Variants in WIPF2 observed in about 807,000 individuals in gnomAD.
WIPF2 encodes WAS/WASL-interacting protein family member 2.
A neutral mutation model predicts 38.8 loss-of-function variants in WIPF2; 23 were observed. That is an observed-to-expected ratio of 0.59 (90% CI 0.43 to 0.84). The LOEUF (loss-of-function observed/expected upper bound fraction) is 0.84. Among genes scored for constraint, WIPF2 ranks in the 40% least tolerant of loss-of-function variants. The pLI is 0.00. For synonymous variants in WIPF2, 210 were observed against 223.2 expected (o/e 0.94, Z 0.53); for missense variants, 574 against 580.5 (o/e 0.99, Z 0.11).
chr17:40,273,200 A>C (rs980148515), intron 5 of WIPF2, among the ~76,000 whole-genome samples: 5 of 151,776 alleles, frequency 3.3e-5, no homozygotes, highest in African/African-American at 1.2e-4. Context: ...CACCGGGCTA[A>C]TTTTTTGTAT....
chr17:40,277,219 G>C, intron 7 of WIPF2, 35 bp downstream of exon 7: 1 of 1,531,114 alleles, frequency 6.5e-7, no homozygotes, highest in Non-Finnish European at 9.0e-7. Flanking sequence ...TTCCATAATT[G>C]CATAGAATGT....
At chr17:40,260,718 T>C in intron 3 of WIPF2, 51 bp downstream of exon 3, 1 of 1,612,672 alleles carries the variant, frequency 6.2e-7, no homozygotes, top group South Asian at 1.1e-5. Context: ...CAGGAGTGAC[T>C]TGGAGACTTG....
Position 40,282,190 on chromosome 17 carries a change from CCTTTA to C in WIPF2, c.*3969_*3973del, listed in dbSNP as rs1368926448. 1.3e-5 allele frequency: 2 copies of C among 150,854 alleles called. No individual in the cohort carries two copies. Among genetic ancestry groups the C allele is most frequent in the Non-Finnish European group, 2.9e-5 (2 of 67,896 alleles). 9.3% of individuals were successfully genotyped at this position (150,854 alleles called of 1,614,324 possible). On this transcript the variant is annotated 3_prime_UTR_variant, in exon 8 of 8. Coordinates refer to ENST00000323571, the MANE Select transcript of WIPF2 (RefSeq NM_133264.5). Reference sequence around the variant, plus strand: ...TCCATTCAACTCCACATTCATTGTGCCTTTACTTGCATTAGATTTCTGTGCTTTCT... The same window carrying C: ...TCCATTCAACTCCACATTCATTGTGCCTTGCATTAGATTTCTGTGCTTTCT...
At position 40,273,886 on chromosome 17, in the gene WIPF2, G is replaced by A. The variant is rs768787767; in HGVS notation, c.1067G>A (p.Arg356Gln). ...YRMHGSEPPSRGKPPPPPSRT... is the reference protein window; with the variant it reads ...YRMHGSEPPSQGKPPPPPSRT... ...ATGCATGGGTCAGAACCCCCGAGCCGAGGAAAGCCCCCACCTCCACCCTCA... is the reference window on the plus strand; with the variant it reads ...ATGCATGGGTCAGAACCCCCGAGCCAAGGAAAGCCCCCACCTCCACCCTCA... The change falls in exon 6 of 8, where the codon CGA (arginine) becomes CAA (glutamine). Residue 356 changes from arginine to glutamine, a missense_variant. Transcript: ENST00000323571. 5 of 1,521,062 alleles carry A rather than the reference G, an allele frequency of 3.3e-6. No homozygotes were observed. Among genetic ancestry groups the A allele is most frequent in the Non-Finnish European group, 4.4e-6 (5 of 1,132,002 alleles). The allele number at this position is 1,521,062 out of a possible 1,614,324, so 94.2% of individuals were successfully genotyped here.
intron 1 of WIPF2, among the ~76,000 whole-genome samples, chr17:40,241,739 A>G (rs2031196564): frequency 6.6e-6 from 1 of 152,092 alleles, no homozygotes; most frequent in Admixed American, 6.6e-5. Flanking sequence ...ATTTTTGGAG[A>G]TGTTGAAGCA....
In WIPF2 at chr17:40,238,669, G is replaced by A. The variant is rs545361600; in HGVS notation, c.-69-17722G>A. Among the ~76,000 whole-genome samples the A allele has an allele frequency of 1.9e-3, 283 of 151,886 alleles. 3 individuals carry two copies. The highest frequency in any genetic ancestry group is 6.3e-3 in the African/African-American group (259 of 41,412). On this transcript the variant is annotated intron_variant, in intron 1 of 7. Transcript: ENST00000323571. ...ACTCTGTCGTCCAGGCTGGAGTGCA[G>A]TGGCACAATCTCGGCTCACTGCAAA...
At chr17:40,245,428 C>A (rs2031332528) in intron 1 of WIPF2, among the ~76,000 whole-genome samples, 1 of 151,848 alleles carries the variant, frequency 6.6e-6, no homozygotes, top group African/African-American at 2.4e-5. Flanking sequence ...CTGCAACCTC[C>A]ACCTCCCGGG....
At chr17:40,243,562 G>A (rs1474394203) in intron 1 of WIPF2, among the ~76,000 whole-genome samples, 1 of 151,702 alleles carries the variant, frequency 6.6e-6, no homozygotes, top group East Asian at 1.9e-4. Context: ...CGCCCAGGCT[G>A]GAGTGCAATG....
At chr17:40,243,119 T>C (rs1210044632) in intron 1 of WIPF2, among the ~76,000 whole-genome samples, 2 of 152,178 alleles carry the variant, frequency 1.3e-5, no homozygotes, top group Admixed American at 6.6e-5. Flanking sequence ...TGGGCTGCCT[T>C]GTATCTGGGA....
At chr17:40,242,504 A>G (rs2031225624) in intron 1 of WIPF2, among the ~76,000 whole-genome samples, 1 of 152,034 alleles carries the variant, frequency 6.6e-6, no homozygotes, top group African/African-American at 2.4e-5. Context: ...AGTTCAAGTG[A>G]TTCTCCTGCC....
chr17:40,220,603 A>ATG (rs2030171182), intron 1 of WIPF2: 1 of 114,538 alleles, frequency 8.7e-6, no homozygotes, highest in Non-Finnish European at 1.7e-5. Flanking sequence ...ATATATATAT[A>ATG]TATATATATA....
intron 1 of WIPF2, among the ~76,000 whole-genome samples, chr17:40,254,321 A>C (rs1017369335): frequency 6.6e-6 from 1 of 151,936 alleles, no homozygotes; most frequent in Non-Finnish European, 1.5e-5. Flanking sequence ...CTGGCCTCCT[A>C]ATCTTATTAA....
At chr17:40,243,470 G>A (rs750705063) in intron 1 of WIPF2, among the ~76,000 whole-genome samples, 48 of 152,120 alleles carry the variant, frequency 3.2e-4, no homozygotes, top group Admixed American at 2.8e-3. Context: ...TTTCAGAGAG[G>A]AGTAAAACAT....
At chr17:40,222,587 T>G (rs59946015) in intron 1 of WIPF2, among the ~76,000 whole-genome samples, 14,658 of 146,296 alleles carry the variant, frequency 0.1, 1,873 homozygotes, top group African/African-American at 0.3. Context: ...GTGTGTGTGT[T>G]TGTGTGTGTG....
At chr17:40,249,417 G>GGCT (rs1030931875) in intron 1 of WIPF2, among the ~76,000 whole-genome samples, 2 of 151,954 alleles carry the variant, frequency 1.3e-5, no homozygotes, top group African/African-American at 2.4e-5. Flanking sequence ...TAGAAAAATA[G>GGCT]GCTTTGTCTT....
chr17:40,277,147 A>T lies in WIPF2; in HGVS notation c.1245A>T (p.Lys415Asn). ...ACTTTCCTGCTCCAGAAGAATATAA[A>T]CACTTTCAGAGGATATATCCCAGCA... is the stretch of plus-strand genomic sequence containing the variant. The part of the protein sequence containing the change: ...VEDFPAPEEY[K>N]HFQRIYPSKT... Residue 415 changes from lysine (K) to asparagine (N), a missense_variant, in exon 7 of 8, where the codon AAA becomes AAT. Transcript: ENST00000323571. The T allele has an allele frequency of 6.2e-7, 1 of 1,613,554 alleles. No individual in the cohort carries two copies. Among genetic ancestry groups the T allele is most frequent in the Non-Finnish European group, 8.5e-7 (1 of 1,179,730 alleles).
chr17:40,270,580 G>A (rs564490463), intron 5 of WIPF2, among the ~76,000 whole-genome samples: 123 of 152,182 alleles, frequency 8.1e-4, no homozygotes, highest in African/African-American at 2.7e-3. Context: ...GGCTAACCCT[G>A]TTTACCTTGC....
At chr17:40,261,682 G>GT (rs929999985) in intron 3 of WIPF2, among the ~76,000 whole-genome samples, 12 of 142,472 alleles carry the variant, frequency 8.4e-5, no homozygotes, top group East Asian at 4.1e-4. Flanking sequence ...TTTTTTTTTG[G>GT]TTTTTTTTGT....
chr17:40,234,342 T>C (rs1041421736), intron 1 of WIPF2, among the ~76,000 whole-genome samples: 2 of 151,930 alleles, frequency 1.3e-5, no homozygotes, highest in African/African-American at 4.8e-5. Flanking sequence ...GGCAGAAGAA[T>C]TGCTTGGGAG....
Sources: gnomAD v4.1 joint callset for allele counts (sites outside exome capture counted in the v4.1 genomes callset) on GRCh38, gnomAD v4.1.1 for gene constraint, MANE v1.5 for transcripts, NCBI Gene and HGNC (gene_info 2026-07-23, HGNC 2026-07-21) for gene names.